Variants in PHKG1 observed in about 807,000 individuals in gnomAD.
PHKG1 encodes the protein phosphorylase kinase catalytic subunit gamma 1.
A neutral mutation model predicts 50.5 loss-of-function variants in PHKG1; 48 were observed. The ratio of observed to expected loss-of-function variants is 0.95; its 90% CI spans 0.75 to 1.21. The LOEUF (loss-of-function observed/expected upper bound fraction) is 1.21. PHKG1 is among the 50% of genes most tolerant of loss of function. The pLI is 0.00. For synonymous variants in PHKG1, 204 were observed against 212.8 expected, an observed-to-expected ratio of 0.96 and a Z score of 0.36; for missense variants, 487 against 519.5, an observed-to-expected ratio of 0.94 and a Z score of 0.61.
Position 56,087,750 on chromosome 7 carries a change from C to CA in PHKG1, c.109dup (p.Cys37LeufsTer59), listed in dbSNP as rs1251484400. On this transcript the variant is annotated frameshift_variant, in exon 3 of 10. Coordinates refer to ENST00000297373, the MANE Select transcript of PHKG1 (RefSeq NM_006213.5). LOFTEE classifies it high-confidence loss of function. ...CTCCTGGCTCGTGGGCTTGTGGATG[C>CA]ATCGCCTGACCACACTGCTAACGCC... 6.2e-7 allele frequency: 1 copy of CA among 1,612,866 alleles called. No homozygotes were observed. Among genetic ancestry groups the CA allele is most frequent in the South Asian group, 1.1e-5 (1 of 91,084 alleles).
At chr7:56,083,813 A>G in intron 4 of PHKG1, 98 bp from the exon 5 acceptor site, 1 of 819,636 alleles carries the variant, frequency 1.2e-6, no homozygotes, top group Non-Finnish European at 2.1e-6. Context: ...TACCTCTAGA[A>G]GCTAAGTGGG....
chr7:56,089,245 C>A (rs1260280025), intron 1 of PHKG1, among the ~76,000 whole-genome samples: 1 of 151,906 alleles, frequency 6.6e-6, no homozygotes, highest in African/African-American at 2.4e-5. Flanking sequence ...CTCTACTATA[C>A]AAAAATTAGC....
At chr7:56,082,940 T>C (rs1303424565) in intron 6 of PHKG1, among the ~76,000 whole-genome samples, 1 of 151,988 alleles carries the variant, frequency 6.6e-6, no homozygotes, top group African/African-American at 2.4e-5. Context: ...ACCCTGTCTC[T>C]ACTAAAAATA....
Position 56,088,942 on chromosome 7 carries a change from G to C in PHKG1, c.-1C>G. The C allele has an allele frequency of 6.2e-7, 1 of 1,609,924 alleles. No individual in the cohort carries two copies. The highest frequency in any genetic ancestry group is 8.5e-7 in the Non-Finnish European group (1 of 1,176,464). ...CCGGCAGTGCCTCGTCCCGGGTCAT[G>C]CTCAGATCTTCAGTGAGGGAACTCT... On this transcript the variant is annotated 5_prime_UTR_variant, in exon 2 of 10. Coordinates refer to ENST00000297373, the MANE Select transcript of PHKG1 (RefSeq NM_006213.5).
Position 56,081,576 on chromosome 7 carries a change from G to A in PHKG1, c.918+54C>T. On this transcript the variant is annotated intron_variant, in intron 9 of 9. Coordinates refer to ENST00000297373, the MANE Select transcript of PHKG1 (RefSeq NM_006213.5). The surrounding 1 kb of genome is among the most constrained non-coding windows in gnomAD (Gnocchi z 4.6). ...GTAAGGACTCCTGGGAGAGGAGGGG[G>A]CTTAGAGGTTTGCACTTAGGGAGCT... is the stretch of plus-strand genomic sequence containing the variant. The A allele has an allele frequency of 3.1e-6, 5 of 1,597,590 alleles. No homozygotes were observed. The highest frequency in any genetic ancestry group is 3.4e-6 in the Non-Finnish European group (4 of 1,168,974).
In PHKG1 at chr7:56,080,620, T is replaced by G. The variant is rs1226287656; in HGVS notation, c.*434A>C. The G allele has an allele frequency of 7.3e-5, 15 of 206,550 alleles. No individual in the cohort carries two copies. 12.8% of individuals were successfully genotyped at this position (206,550 alleles called of 1,614,324 possible). On this transcript the variant is annotated 3_prime_UTR_variant, in exon 10 of 10. Coordinates refer to ENST00000297373, the MANE Select transcript of PHKG1 (RefSeq NM_006213.5). Reference sequence around the variant, plus strand: ...CCTGGAGAGTAGCCTGCTCCCACACTGTCACTGGATGTCATGGGGCCAATA... The same window carrying G: ...CCTGGAGAGTAGCCTGCTCCCACACGGTCACTGGATGTCATGGGGCCAATA...
intron 3 of PHKG1, 132 bp from the exon 4 acceptor site, chr7:56,087,156 C>A (rs1426752539): frequency 2.9e-6 from 2 of 700,106 alleles, no homozygotes; most frequent in Non-Finnish European, 5.3e-6. Context: ...GGAGGGTGCT[C>A]AAAGACGTCA....
intron 4 of PHKG1, among the ~76,000 whole-genome samples, chr7:56,086,286 A>C (rs1407305447): frequency 6.6e-6 from 1 of 152,022 alleles, no homozygotes; most frequent in African/African-American, 2.4e-5. Flanking sequence ...GCCTATACTT[A>C]CTATGTTTTT....
At chr7:56,090,767 A>T (rs939313618) in intron 1 of PHKG1, among the ~76,000 whole-genome samples, 8 of 152,164 alleles carry the variant, frequency 5.3e-5, no homozygotes, top group Non-Finnish European at 1.2e-4. Flanking sequence ...TGTCCTACTT[A>T]ACAATGGCCA....
intron 1 of PHKG1, among the ~76,000 whole-genome samples, chr7:56,090,653 C>T (rs1458791914): frequency 6.6e-6 from 1 of 152,230 alleles, no homozygotes; most frequent in African/African-American, 2.4e-5. Flanking sequence ...CATCTCTGCC[C>T]CCCATACCCA....
In PHKG1 at chr7:56,086,562, C is replaced by T. The variant is rs186150549; in HGVS notation, c.317+408G>A. ...GGAGTTCAACGGCGTGATCTCGGCT[C>T]ACTTCAACCTCCGCCTCCTGGGTTC... is the stretch of plus-strand genomic sequence containing the variant. On this transcript the variant is annotated intron_variant, in intron 4 of 9. Transcript: ENST00000297373. 3.3e-5 allele frequency among the ~76,000 whole-genome samples: 5 copies of T among 151,700 alleles called. No homozygotes were observed. The East Asian group carries it at 9.7e-4, about 29-fold the overall frequency.
rs56197436 is a variant in PHKG1 at position 56,087,740 on chromosome 7, C to T, written c.120G>A (p.Lys40=). The change falls in exon 3 of 10, where the codon AAG becomes AAA. Residue 40 remains lysine (K), a synonymous_variant. Coordinates refer to ENST00000297373, the MANE Select transcript of PHKG1 (RefSeq NM_006213.5). ...TCACGGCGTACTCCTGGCTCGTGGG[C>T]TTGTGGATGCATCGCCTGACCACAC... The part of the protein sequence containing the change: ...VSSVVRRCIH[K]PTSQEYAVKV... 2.3e-4 allele frequency: 365 copies of T among 1,613,372 alleles called. No individual in the cohort carries two copies. The African/African-American group carries it at 3.8e-3, about 17-fold the overall frequency.
intron 1 of PHKG1, among the ~76,000 whole-genome samples, chr7:56,091,749 G>T (rs1011643227): frequency 1.3e-5 from 2 of 152,218 alleles, no homozygotes; most frequent in African/African-American, 4.8e-5. Flanking sequence ...GATTGGGCAG[G>T]CTGTTCCAGG....
rs750739043 is a variant in PHKG1 at position 56,087,689 on chromosome 7, G to T, written c.171C>A (p.Gly57=). 3.7e-6 allele frequency: 6 copies of T among 1,613,956 alleles called. No individual in the cohort carries two copies. Among genetic ancestry groups the T allele is most frequent in the African/African-American group, 1.3e-5 (1 of 75,050 alleles). ...CCCGCACCTCCTCCGGGCTGAAGCTGCCTCCACCGGTGACGTCGATGACCT... is the reference window on the plus strand; with the variant it reads ...CCCGCACCTCCTCCGGGCTGAAGCTTCCTCCACCGGTGACGTCGATGACCT... ...AVKVIDVTGG[G]SFSPEEVREL... Residue 57 remains glycine (G), a synonymous_variant, in exon 3 of 10, where the codon GGC becomes GGA. Coordinates refer to ENST00000297373, the MANE Select transcript of PHKG1 (RefSeq NM_006213.5).
In PHKG1 at chr7:56,088,964, C is replaced by G; in HGVS notation, c.-23G>C. On this transcript the variant is annotated 5_prime_UTR_variant, in exon 2 of 10. Transcript: ENST00000297373. The stretch of plus-strand genomic sequence containing the variant: ...CATGCTCAGATCTTCAGTGAGGGAA[C>G]TCTGGGTGGCTCTGAGAGGGGAAAA... The G allele has an allele frequency of 1.9e-6, 3 of 1,543,054 alleles. No individual in the cohort carries two copies. Among genetic ancestry groups the G allele is most frequent in the Non-Finnish European group, 2.7e-6 (3 of 1,116,648 alleles).
intron 2 of PHKG1, 84 bp downstream of exon 2, chr7:56,088,775 C>A: frequency 1.1e-6 from 1 of 877,970 alleles, no homozygotes; most frequent in Non-Finnish European, 1.9e-6. Context: ...GGCGTTAGTA[C>A]TCGGGGTGGA....
Position 56,082,582 on chromosome 7 carries a change from ACT to A in PHKG1, c.548-331_548-330del, listed in dbSNP as rs571869483. ...CACTCCAGCCTGGTGACAGAGTGAGACTCTGTTTCAAAAAAAAAAGAGAGGAA... is the reference window on the plus strand; with the variant it reads ...CACTCCAGCCTGGTGACAGAGTGAGACTGTTTCAAAAAAAAAAGAGAGGAA... On this transcript the variant is annotated intron_variant, in intron 6 of 9. Transcript: ENST00000297373. Among the ~76,000 whole-genome samples the A allele has an allele frequency of 3.2e-4, 49 of 151,368 alleles. No homozygotes were observed. In the South Asian group the frequency reaches 6.0e-3, roughly 19 times the overall value.
At chr7:56,082,736 A>G (rs1796071325) in intron 6 of PHKG1, among the ~76,000 whole-genome samples, 1 of 152,140 alleles carries the variant, frequency 6.6e-6, no homozygotes, top group Non-Finnish European at 1.5e-5. Context: ...CTCATGGCCC[A>G]TTGCTTCCCT....
intron 4 of PHKG1, 82 bp from the exon 5 acceptor site, chr7:56,083,797 C>T (rs1796136251): frequency 1.1e-6 from 1 of 899,642 alleles, no homozygotes; most frequent in Non-Finnish European, 1.8e-6. Context: ...CTGCCTTCCA[C>T]CCTGATACCT....
Sources: allele counts gnomAD v4.1 joint callset (sites outside exome capture counted in the v4.1 genomes callset), GRCh38; gene constraint gnomAD v4.1.1; non-coding constraint Gnocchi (gnomAD v3.1); transcripts MANE v1.5; gene names NCBI Gene and HGNC (gene_info 2026-07-23, HGNC 2026-07-21).